The following NEBL variants were observed in gnomAD, a reference collection of about 807,000 sequenced individuals.
NEBL encodes the protein nebulette.
A neutral mutation model predicts 140.2 loss-of-function variants in NEBL; 122 were observed. That is an observed-to-expected ratio of 0.87 (90% CI 0.75 to 1.01). NEBL has a LOEUF of 1.01. Ranked by LOEUF, NEBL falls within the 50% of genes least tolerant of loss-of-function variation. NEBL has a pLI of 0.00. For synonymous variants in NEBL, 436 were observed against 398.9 expected, an observed-to-expected ratio of 1.09 and a Z score of -1.11; for missense variants, 1,365 against 1,231.3, an observed-to-expected ratio of 1.11 and a Z score of -1.62.
chr10:20,929,520 C>G (rs1250657520), intron 4 of NEBL, among the ~76,000 whole-genome samples: 1 of 152,132 alleles, frequency 6.6e-6, no homozygotes, highest in East Asian at 1.9e-4. Flanking sequence ...CAGATGCAGA[C>G]AGATGCCCTT....
intron 2 of NEBL, among the ~76,000 whole-genome samples, chr10:21,099,128 G>A (rs1837348721): frequency 1.3e-5 from 2 of 152,176 alleles, no homozygotes; most frequent in Admixed American, 6.5e-5. Flanking sequence ...GAAAGACCCT[G>A]TCTCTAAAAA....
chr10:20,819,526 A>C lies in NEBL; in HGVS notation c.1963-10T>G, dbSNP rs972950208. 4 of 1,613,910 alleles carry C rather than the reference A, an allele frequency of 2.5e-6. No homozygotes were observed. Among genetic ancestry groups the C allele is most frequent in the Admixed American group, 1.7e-5 (1 of 60,014 alleles). On this transcript the variant is annotated splice_polypyrimidine_tract_variant and intron_variant, in intron 19 of 27. Coordinates refer to ENST00000377122, the MANE Select transcript of NEBL (RefSeq NM_006393.3). ...GCTCTTTATACTGGAGCTGAGAGAC[A>C]AGGTGCAAGACAGTTTGAGATTATG...
rs932598513 is a variant in NEBL, at chr10:21,049,273, T to G, written c.165-29072A>C. Among the ~76,000 whole-genome samples, 4 of 152,186 alleles carry G rather than the reference T, an allele frequency of 2.6e-5. No homozygotes were observed. The East Asian group carries it at 7.7e-4, about 29-fold the overall frequency. Reference sequence around the variant, plus strand: ...TGACATATCACATTGAACATCACAGTGGCCTTTTAGAGTGTTTCTCCTATG... The same window carrying G: ...TGACATATCACATTGAACATCACAGGGGCCTTTTAGAGTGTTTCTCCTATG... On this transcript the variant is annotated intron_variant, in intron 2 of 6. Coordinates refer to the NEBL transcript ENST00000417816.
chr10:20,987,854 A>T lies in NEBL; in HGVS notation c.250-26075T>A, dbSNP rs11012464. Among the ~76,000 whole-genome samples the T allele has an allele frequency of 0.02, 3,003 of 152,142 alleles. 394 individuals are homozygous for T. The East Asian group carries it at 0.36, about 18-fold the overall frequency. On this transcript the variant is annotated intron_variant, in intron 3 of 6. Coordinates refer to the NEBL transcript ENST00000417816. The stretch of plus-strand genomic sequence containing the variant: ...AATACTTCAACAATCCTCTGACATC[A>T]CTAGGACTTCCACTGACTCCACCTA...
chr10:21,174,070 G>A (rs1004619248), exon 1 of NEBL: 42 of 1,087,346 alleles, frequency 3.9e-5, no homozygotes, highest in Non-Finnish European at 4.7e-5. Context: ...CTCCGGCTCC[G>A]GCTCCGCGCC....
intron 2 of NEBL, among the ~76,000 whole-genome samples, chr10:21,077,048 C>T (rs997322960): frequency 1.3e-4 from 20 of 152,050 alleles, no homozygotes; most frequent in Non-Finnish European, 2.6e-4. Flanking sequence ...AAAATGGTAA[C>T]CTTTATGTTA....
intron 3 of NEBL, among the ~76,000 whole-genome samples, chr10:21,190,765 G>GA (rs1410178034): frequency 6.6e-6 from 1 of 152,136 alleles, no homozygotes; most frequent in Non-Finnish European, 1.5e-5. Context: ...GTAGAACACA[G>GA]AAAAATGATT....
At chr10:20,956,256 C>T (rs970428126) in intron 4 of NEBL, among the ~76,000 whole-genome samples, 3 of 152,126 alleles carry the variant, frequency 2.0e-5, no homozygotes, top group Non-Finnish European at 2.9e-5. Flanking sequence ...TCCCGAGGAG[C>T]GGTTGTTCAG....
At chr10:21,064,321 A>T (rs368077103) in intron 2 of NEBL, among the ~76,000 whole-genome samples, 1 of 152,162 alleles carries the variant, frequency 6.6e-6, no homozygotes, top group Non-Finnish European at 1.5e-5. Context: ...ATGTTTTAGG[A>T]TTTCACTGCA....
At chr10:20,953,082 A>C (rs1331314324) in intron 4 of NEBL, among the ~76,000 whole-genome samples, 1 of 152,146 alleles carries the variant, frequency 6.6e-6, no homozygotes. Flanking sequence ...ATACATGCAG[A>C]TCATTCCCCA....
At chr10:21,044,858 G>A (rs1348791795) in intron 2 of NEBL, among the ~76,000 whole-genome samples, 5 of 151,916 alleles carry the variant, frequency 3.3e-5, no homozygotes, top group Admixed American at 2.0e-4. Flanking sequence ...CCTAATTGCC[G>A]GTATGTTTGT....
Position 20,801,025 on chromosome 10 carries a change from G to A in NEBL, c.2761+7485C>T, listed in dbSNP as rs373040845. ...CAGAGATTGGGGTTCAGCACTGCCC[G>A]TGCTCTAGTTCCAGACTTCTTCTTC... On this transcript the variant is annotated intron_variant, in intron 26 of 27. Transcript: ENST00000377122. Among the ~76,000 whole-genome samples, 14 of 152,162 alleles carry A rather than the reference G, an allele frequency of 9.2e-5. No individual in the cohort carries two copies. The East Asian group carries it at 1.4e-3, about 15-fold the overall frequency.
chr10:21,017,521 C>T (rs759402917), intron 3 of NEBL, among the ~76,000 whole-genome samples: 7 of 152,106 alleles, frequency 4.6e-5, no homozygotes, highest in South Asian at 2.1e-4. Context: ...TTTGTATATG[C>T]CACCCTTTGA....
At chr10:21,268,175 A>G (rs897562704) in intron 1 of NEBL, among the ~76,000 whole-genome samples, 18 of 152,106 alleles carry the variant, frequency 1.2e-4, no homozygotes, top group Non-Finnish European at 1.9e-4. Context: ...CAAAATCAAG[A>G]CTGCGGCAAC....
intron 4 of NEBL, among the ~76,000 whole-genome samples, chr10:20,931,561 C>T (rs1305915573): frequency 2.6e-5 from 4 of 152,278 alleles, no homozygotes; most frequent in East Asian, 1.9e-4. Flanking sequence ...TGCGCCATGG[C>T]TGTGGCCTGG....
At chr10:21,276,252 G>A (rs142875457) in intron 1 of NEBL, among the ~76,000 whole-genome samples, 4,519 of 152,168 alleles carry the variant, frequency 0.03, 207 homozygotes, top group African/African-American at 0.1. Context: ...GATTACAGGC[G>A]TGAGCCACCA....
intron 7 of NEBL, among the ~76,000 whole-genome samples, chr10:20,866,272 A>T (rs950681086): frequency 5.3e-5 from 8 of 152,094 alleles, no homozygotes; most frequent in African/African-American, 1.9e-4. Context: ...TTACAGGATG[A>T]AAAGAGTCCT....
At chr10:21,188,961 C>G (rs935182483) in intron 3 of NEBL, among the ~76,000 whole-genome samples, 6 of 152,000 alleles carry the variant, frequency 3.9e-5, no homozygotes, top group Admixed American at 6.6e-5. Context: ...AGGGGACATA[C>G]TTTGTCACCT....
chr10:21,164,229 C>A (rs1470597954), intron 2 of NEBL, among the ~76,000 whole-genome samples: 3 of 152,178 alleles, frequency 2.0e-5, no homozygotes, highest in Non-Finnish European at 2.9e-5. Context: ...CAAGGTCTTC[C>A]TAGTAACACT....
Sources: gnomAD v4.1 joint callset for allele counts (sites outside exome capture counted in the v4.1 genomes callset) on GRCh38, gnomAD v4.1.1 for gene constraint, MANE v1.5 for transcripts, NCBI Gene and HGNC (gene_info 2026-07-23, HGNC 2026-07-21) for gene names.